The following C1GALT1 variants were observed in gnomAD, a reference collection of about 807,000 sequenced individuals.
C1GALT1 encodes the protein glycoprotein-N-acetylgalactosamine 3-beta-galactosyltransferase 1.
Under a neutral mutation model 31.0 loss-of-function variants are expected in C1GALT1, and 11 were observed. That is an observed-to-expected ratio of 0.36 (90% CI 0.22 to 0.59). The LOEUF (loss-of-function observed/expected upper bound fraction) is 0.59, where lower values mean the gene tolerates loss of function less well. C1GALT1 is among the 20% of genes least tolerant of loss of function. The pLI is 0.79. For missense variants in C1GALT1, 424 were observed against 425.2 expected, an observed-to-expected ratio of 1.00 and a Z score of 0.03; for synonymous variants, 175 against 143.6, an observed-to-expected ratio of 1.22 and a Z score of -1.56.
At chr7:7,229,838 C>T (rs1209638817) in intron 1 of C1GALT1, among the ~76,000 whole-genome samples, 3 of 152,106 alleles carry the variant, frequency 2.0e-5, no homozygotes, top group Non-Finnish European at 4.4e-5. Context: ...TTCTGGTTTT[C>T]CTGTGGCAAA....
chr7:7,166,949 T>C (rs1451592531), intron 2 of C1GALT1, among the ~76,000 whole-genome samples: 1 of 152,196 alleles, frequency 6.6e-6, no homozygotes, highest in Non-Finnish European at 1.5e-5. Context: ...AACACATCAA[T>C]CTTACTTCAA....
intron 1 of C1GALT1, among the ~76,000 whole-genome samples, chr7:7,187,254 AT>A (rs11402802): frequency 1.1e-3 from 165 of 147,000 alleles, no homozygotes; most frequent in African/African-American, 2.9e-3. Context: ...TCTTCCTGAG[AT>A]TTTTTTTTTT....
chr7:7,193,461 C>T (rs1781159321), intron 1 of C1GALT1, among the ~76,000 whole-genome samples: 1 of 152,050 alleles, frequency 6.6e-6, no homozygotes, highest in Non-Finnish European at 1.5e-5. Context: ...GATCAGTTGG[C>T]TGTTAAGTAT....
chr7:7,166,090 T>A (rs1273763852), intron 2 of C1GALT1, among the ~76,000 whole-genome samples: 1 of 152,168 alleles, frequency 6.6e-6, no homozygotes, highest in Non-Finnish European at 1.5e-5. Context: ...CGTTCTCTCA[T>A]TTACTGATAA....
chr7:7,185,295 A>G (rs1048562369), intron 1 of C1GALT1, among the ~76,000 whole-genome samples: 48 of 152,236 alleles, frequency 3.2e-4, no homozygotes, highest in Non-Finnish European at 1.2e-4. Flanking sequence ...AAGCACATTT[A>G]AACGGCTAGA....
intron 1 of C1GALT1, among the ~76,000 whole-genome samples, chr7:7,215,709 G>C (rs965764199): frequency 1.4e-5 from 2 of 145,830 alleles, no homozygotes; most frequent in Admixed American, 1.4e-4. Flanking sequence ...TTGGCGTACT[G>C]TAGGAGACAT....
chr7:7,233,533 A>G (rs1017318644), intron 1 of C1GALT1, among the ~76,000 whole-genome samples: 1 of 152,202 alleles, frequency 6.6e-6, no homozygotes. Context: ...TTGGCCTCCC[A>G]GAGTGCTGGG....
At chr7:7,204,097 G>GTTTTTTTTTTTTT (rs74853892) in intron 1 of C1GALT1, among the ~76,000 whole-genome samples, 5 of 129,638 alleles carry the variant, frequency 3.9e-5, no homozygotes, top group Middle Eastern at 4.1e-3. Context: ...CTCCTCTTCT[G>GTTTTTTTTTTTTT]TTTTTTTTTT....
intron 1 of C1GALT1, among the ~76,000 whole-genome samples, chr7:7,189,594 ATTAT>A (rs1390741263): frequency 6.6e-6 from 1 of 151,804 alleles, no homozygotes; most frequent in East Asian, 1.9e-4. Context: ...TATCTTTTTT[ATTAT>A]TTATGATACT....
chr7:7,167,938 T>TC (rs1212900081), intron 2 of C1GALT1, among the ~76,000 whole-genome samples: 1 of 152,126 alleles, frequency 6.6e-6, no homozygotes, highest in Non-Finnish European at 1.5e-5. Context: ...TTCTACTCCA[T>TC]TTTTTTCAAG....
intron 1 of C1GALT1, among the ~76,000 whole-genome samples, chr7:7,231,199 G>A (rs1221271307): frequency 6.6e-6 from 1 of 152,068 alleles, no homozygotes; most frequent in Non-Finnish European, 1.5e-5. Flanking sequence ...TGATTCTGTT[G>A]TTGCTGCTAA....
chr7:7,185,858 C>T (rs993270905), intron 1 of C1GALT1, among the ~76,000 whole-genome samples: 3 of 152,196 alleles, frequency 2.0e-5, no homozygotes, highest in Non-Finnish European at 4.4e-5. Flanking sequence ...AAATGTTTAG[C>T]ATTATAGACT....
intron 1 of C1GALT1, among the ~76,000 whole-genome samples, chr7:7,232,826 A>G (rs1783151251): frequency 6.6e-6 from 1 of 152,068 alleles, no homozygotes; most frequent in Admixed American, 6.5e-5. Flanking sequence ...CCTACATTCA[A>G]ACTGTGGCTC....
At chr7:7,213,193 C>T (rs749607577) in intron 1 of C1GALT1, among the ~76,000 whole-genome samples, 1 of 152,148 alleles carries the variant, frequency 6.6e-6, no homozygotes, top group Non-Finnish European at 1.5e-5. Flanking sequence ...CTATTAAAAA[C>T]CTGCAGTTAA....
chr7:7,230,722 T>TAAAG lies in C1GALT1; in HGVS notation c.-17-3579_-17-3576dup, dbSNP rs537465881. The stretch of plus-strand genomic sequence containing the variant: ...TATATTGTTTTACTGTTTGTTTGTT[T>TAAAG]AAAGATTATATTAGACATCCTTGGT... On this transcript the variant is annotated intron_variant, in intron 1 of 3. Transcript: ENST00000436587. Among the ~76,000 whole-genome samples the TAAAG allele has an allele frequency of 8.4e-4, 127 of 151,898 alleles. 1 individual carries two copies. Among genetic ancestry groups the TAAAG allele is most frequent in the African/African-American group, 2.9e-3 (122 of 41,478 alleles).
At chr7:7,225,917 C>CT (rs1334985047) in intron 1 of C1GALT1, among the ~76,000 whole-genome samples, 1 of 152,034 alleles carries the variant, frequency 6.6e-6, no homozygotes, top group Non-Finnish European at 1.5e-5. Context: ...TAATAGACAG[C>CT]TATAGGTGCG....
intron 1 of C1GALT1, among the ~76,000 whole-genome samples, chr7:7,197,517 C>T (rs1399362236): frequency 6.6e-6 from 1 of 152,146 alleles, no homozygotes; most frequent in African/African-American, 2.4e-5. Flanking sequence ...ATTGTCTTGG[C>T]AATGCGGGCT....
intron 2 of C1GALT1, among the ~76,000 whole-genome samples, chr7:7,159,563 T>A (rs1780311972): frequency 6.6e-6 from 1 of 151,998 alleles, no homozygotes; most frequent in African/African-American, 2.4e-5. Flanking sequence ...TCCCCAATAA[T>A]CTCTTCAAGG....
At position 7,247,182 on chromosome 7, in the gene C1GALT1, A is replaced by G. The variant is rs1181367942; in HGVS notation, c.*3455A>G. Reference sequence around the variant, plus strand: ...CTGTTTTGTGTGACCTAATAAAGCAAAAGAAAAATAAAAAAGCAATTCTCC... The same window carrying G: ...CTGTTTTGTGTGACCTAATAAAGCAGAAGAAAAATAAAAAAGCAATTCTCC... On this transcript the variant is annotated 3_prime_UTR_variant, in exon 4 of 4. Transcript: ENST00000436587. The G allele has an allele frequency of 6.6e-5, 10 of 152,150 alleles. No individual in the cohort carries two copies. The highest frequency in any genetic ancestry group is 5.8e-4 in the East Asian group (3 of 5,202). 9.4% of individuals were successfully genotyped at this position (152,150 alleles called of 1,614,324 possible).
Sources: gnomAD v4.1 joint callset for allele counts (sites outside exome capture counted in the v4.1 genomes callset) on GRCh38, gnomAD v4.1.1 for gene constraint, MANE v1.5 for transcripts, NCBI Gene and HGNC (gene_info 2026-07-23, HGNC 2026-07-21) for gene names.